SPON1: variants seen among roughly 807,000 people sequenced by gnomAD.
SPON1 encodes spondin 1.
Under a neutral mutation model 111.7 loss-of-function variants are expected in SPON1, and 52 were observed. The observed-to-expected ratio is 0.47, with a 90% CI of 0.37 to 0.59. The LOEUF (loss-of-function observed/expected upper bound fraction) is 0.59, where lower values mean the gene tolerates loss of function less well. Ranked by LOEUF, SPON1 falls within the 20% of genes least tolerant of loss-of-function variation. SPON1 has a pLI of 0.00. For synonymous variants in SPON1, 410 were observed against 395.8 expected (o/e 1.04, Z -0.43); for missense variants, 957 against 1,068.5 (o/e 0.90, Z 1.46).
chr11:14,075,441 G>T, intron 4 of SPON1, 23 bp downstream of exon 4: 1 of 1,518,168 alleles, frequency 6.6e-7, no homozygotes, highest in Admixed American at 2.0e-5. Flanking sequence ...GGGTGGGGAG[G>T]GGGAGGGGCA....
intron 6 of SPON1, among the ~76,000 whole-genome samples, chr11:14,170,351 C>G (rs1448001011): frequency 6.6e-6 from 1 of 152,044 alleles, no homozygotes; most frequent in Non-Finnish European, 1.5e-5. Context: ...ATTTTGTATC[C>G]TGAGACTTTG....
intron 2 of SPON1, among the ~76,000 whole-genome samples, chr11:14,035,614 CTTTTTTTTT>C (rs57790720): frequency 0.33 from 43,658 of 132,236 alleles, 7,521 homozygotes; most frequent in South Asian, 0.55. Context: ...ACACTTAGTT[CTTTTTTTTT>C]TTTTTTTTTT....
chr11:13,998,530 A>C (rs1330189232), intron 2 of SPON1, among the ~76,000 whole-genome samples: 4 of 152,150 alleles, frequency 2.6e-5, no homozygotes, highest in Admixed American at 1.3e-4. Context: ...TGAGATCTCA[A>C]ACACTTGGCA....
intron 1 of SPON1, among the ~76,000 whole-genome samples, chr11:13,964,983 GAA>G (rs35312135): frequency 4.7e-4 from 70 of 148,700 alleles, no homozygotes; most frequent in Middle Eastern, 6.9e-3. Flanking sequence ...TTCCTAGCTG[GAA>G]AAAAAAAAAA....
intron 3 of SPON1, among the ~76,000 whole-genome samples, chr11:14,070,694 T>C (rs1472999461): frequency 2.6e-5 from 4 of 152,092 alleles, no homozygotes; most frequent in African/African-American, 9.7e-5. Context: ...TTCTGAGATC[T>C]CTCTCTCCCG....
intron 3 of SPON1, among the ~76,000 whole-genome samples, chr11:14,045,985 G>C (rs78968607): frequency 0.011 from 1,694 of 152,100 alleles, 31 homozygotes; most frequent in African/African-American, 0.039. Flanking sequence ...AATAAATGTA[G>C]GTCTTTAATC....
At chr11:13,996,034 A>G (rs1438091038) in intron 2 of SPON1, among the ~76,000 whole-genome samples, 4 of 152,226 alleles carry the variant, frequency 2.6e-5, no homozygotes, top group East Asian at 3.8e-4. Flanking sequence ...TCAACTGGAC[A>G]AGGAGTGAAG....
chr11:14,041,788 A>G, intron 3 of SPON1, 134 bp downstream of exon 3: 1 of 930,260 alleles, frequency 1.1e-6, no homozygotes, highest in Non-Finnish European at 1.6e-6. Flanking sequence ...CTGAATTCTC[A>G]ATAGCACCAT....
intron 2 of SPON1, among the ~76,000 whole-genome samples, chr11:13,984,031 G>T (rs186432448): frequency 6.6e-6 from 1 of 152,012 alleles, no homozygotes; most frequent in Admixed American, 6.6e-5. Flanking sequence ...TTAATTCCAC[G>T]CTCACCGTAA....
chr11:14,245,141 A>G (rs554959939), intron 7 of SPON1, among the ~76,000 whole-genome samples: 25 of 152,206 alleles, frequency 1.6e-4, no homozygotes, highest in Middle Eastern at 6.3e-3. Context: ...TCCACAGGAT[A>G]GGAAGGGAGG....
intron 6 of SPON1, among the ~76,000 whole-genome samples, chr11:14,212,431 T>C (rs1170273725): frequency 3.3e-5 from 5 of 152,168 alleles, no homozygotes; most frequent in African/African-American, 1.2e-4. Context: ...TTTGTTCAGG[T>C]TTTCAGTCAG....
At chr11:14,226,513 T>C (rs535763929) in intron 6 of SPON1, among the ~76,000 whole-genome samples, 2 of 152,362 alleles carry the variant, frequency 1.3e-5, no homozygotes, top group South Asian at 4.1e-4. Context: ...AAGAGTATCA[T>C]ATCACAAATT....
chr11:14,064,343 G>A (rs1299569267), intron 3 of SPON1, among the ~76,000 whole-genome samples: 1 of 152,234 alleles, frequency 6.6e-6, no homozygotes, highest in Non-Finnish European at 1.5e-5. Flanking sequence ...GAAGTCTGGT[G>A]GAGGGACAGG....
At chr11:14,220,121 G>A (rs1412106757) in intron 6 of SPON1, among the ~76,000 whole-genome samples, 1 of 151,782 alleles carries the variant, frequency 6.6e-6, no homozygotes, top group Non-Finnish European at 1.5e-5. Flanking sequence ...CCTACATATG[G>A]AGGCTGTGTT....
chr11:14,142,894 C>T (rs1212356521), intron 6 of SPON1, among the ~76,000 whole-genome samples: 16 of 152,310 alleles, frequency 1.1e-4, no homozygotes, highest in South Asian at 2.1e-4. Context: ...AGGCATCAGG[C>T]TGAGACGACC....
At chr11:13,967,276 C>G (rs191161526) in intron 1 of SPON1, among the ~76,000 whole-genome samples, 4 of 152,266 alleles carry the variant, frequency 2.6e-5, no homozygotes, top group African/African-American at 9.6e-5. Flanking sequence ...GGATGGTGAG[C>G]CTTCCTTCAA....
intron 2 of SPON1, among the ~76,000 whole-genome samples, chr11:13,989,182 C>T (rs1848208647): frequency 6.6e-6 from 1 of 152,166 alleles, no homozygotes; most frequent in Admixed American, 6.5e-5. Context: ...TGGTCCTGAA[C>T]ATTTTTTGGT....
Position 13,963,107 on chromosome 11 carries a change from AC to A in SPON1, c.207del (p.Asp70ThrfsTer11). 1 of 1,535,038 alleles carries A rather than the reference AC, an allele frequency of 6.5e-7. No homozygotes were observed. The highest frequency in any genetic ancestry group is 8.8e-7 in the Non-Finnish European group (1 of 1,142,222). On this transcript the variant is annotated frameshift_variant, in exon 1 of 16. Transcript: ENST00000576479. LOFTEE classifies it high-confidence loss of function. ...YTEFSLRVEG[D>X]PDFYKPGTSY... is the part of the protein sequence containing the mutation. ...GAGTTCAGCCTCCGCGTGGAGGGCG[AC>A]CCCGACTTCTACAAGCCGGGAACCA...
chr11:14,199,805 G>C (rs555764883), intron 6 of SPON1, among the ~76,000 whole-genome samples: 1 of 152,188 alleles, frequency 6.6e-6, no homozygotes. Flanking sequence ...ACTCTGGAGG[G>C]TGCAAGCCCT....
Sources: allele counts gnomAD v4.1 joint callset (sites outside exome capture counted in the v4.1 genomes callset), GRCh38; gene constraint gnomAD v4.1.1; transcripts MANE v1.5; gene names NCBI Gene and HGNC (gene_info 2026-07-23, HGNC 2026-07-21).